The following PPME1 variants were observed in gnomAD, a reference collection of about 807,000 sequenced individuals.
PPME1 encodes protein phosphatase methylesterase 1.
Under a neutral mutation model 56.9 loss-of-function variants are expected in PPME1, and 17 were observed. The observed-to-expected ratio is 0.30, with a 90% confidence interval of 0.20 to 0.45. The LOEUF (loss-of-function observed/expected upper bound fraction) is 0.45. Ranked by LOEUF, PPME1 falls within the 20% of genes least tolerant of loss-of-function variation. The pLI, the probability that PPME1 is intolerant of heterozygous loss-of-function variation, is 1.00. For synonymous variants in PPME1, 122 were observed against 156.2 expected, an observed-to-expected ratio of 0.78 and a Z score of 1.63; for missense variants, 357 against 483.2, an observed-to-expected ratio of 0.74 and a Z score of 2.45.
intron 1 of PPME1, among the ~76,000 whole-genome samples, chr11:74,185,145 A>G (rs1857644379): frequency 6.6e-6 from 1 of 151,760 alleles, no homozygotes. Context: ...GATTACAGGC[A>G]CATGTCACCA....
At chr11:74,179,646 C>A (rs903447452) in intron 1 of PPME1, among the ~76,000 whole-genome samples, 1 of 152,132 alleles carries the variant, frequency 6.6e-6, no homozygotes, top group African/African-American at 2.4e-5. Context: ...GTAATAAACA[C>A]CTAGTTGTTT....
chr11:74,198,790 C>G (rs1858063560), intron 1 of PPME1: 1 of 152,174 alleles, frequency 6.6e-6, no homozygotes, highest in Non-Finnish European at 1.5e-5. Context: ...CTAACCAGGC[C>G]TGACCCTGCT....
chr11:74,242,519 A>G (rs1478055392), intron 9 of PPME1, among the ~76,000 whole-genome samples: 1 of 152,198 alleles, frequency 6.6e-6, no homozygotes, highest in African/African-American at 2.4e-5. Flanking sequence ...GTTGTTTTAC[A>G]TACATGAGTA....
intron 9 of PPME1, among the ~76,000 whole-genome samples, chr11:74,240,998 C>T (rs1473966891): frequency 6.6e-6 from 1 of 152,244 alleles, no homozygotes; most frequent in African/African-American, 2.4e-5. Flanking sequence ...AGCTAAAACA[C>T]ACCCAGATCC....
At chr11:74,251,135 A>G (rs1859648234) in intron 12 of PPME1, 117 bp downstream of exon 12, 4 of 1,505,688 alleles carry the variant, frequency 2.7e-6, no homozygotes, top group African/African-American at 1.4e-5. Context: ...TGTGGAGCCT[A>G]TGCAGATGCA....
At chr11:74,172,303 GAGA>G (rs1189065575) in intron 1 of PPME1, among the ~76,000 whole-genome samples, 2 of 151,786 alleles carry the variant, frequency 1.3e-5, no homozygotes, top group East Asian at 1.9e-4. Flanking sequence ...ATAAGGGAGA[GAGA>G]AGAAGGAGAG....
Position 74,171,369 on chromosome 11 carries a change from C to T in PPME1, c.-53C>T. The T allele has an allele frequency of 6.4e-7, 1 of 1,560,272 alleles. No individual in the cohort carries two copies. Among genetic ancestry groups the T allele is most frequent in the South Asian group, 1.2e-5 (1 of 84,626 alleles). On this transcript the variant is annotated 5_prime_UTR_variant, in exon 1 of 14. In the 5' UTR this introduces an upstream ATG that the reference lacks. Transcript: ENST00000328257. Reference sequence around the variant, plus strand: ...TCGTGACCGGTTGGGCCACACTCAACGTGGGACGAAGCTTCGCCTACTGTT... The same window carrying T: ...TCGTGACCGGTTGGGCCACACTCAATGTGGGACGAAGCTTCGCCTACTGTT...
intron 1 of PPME1, among the ~76,000 whole-genome samples, chr11:74,200,144 A>G (rs1262242551): frequency 6.6e-6 from 1 of 152,262 alleles, no homozygotes; most frequent in African/African-American, 2.4e-5. Flanking sequence ...AAAAAGGCCT[A>G]CACAAACTAT....
intron 1 of PPME1, among the ~76,000 whole-genome samples, chr11:74,183,956 A>G (rs1441550765): frequency 6.6e-6 from 1 of 152,214 alleles, no homozygotes; most frequent in African/African-American, 2.4e-5. Context: ...TGAATTTAAT[A>G]GAGAAGTAAA....
In PPME1 at chr11:74,208,541, T is replaced by G. The variant is rs190872229; in HGVS notation, c.288+4096T>G. On this transcript the variant is annotated intron_variant, in intron 3 of 13. Transcript: ENST00000328257. ...AATACAGCAAACATTTTAAGAAATT[T>G]TTATCTCAGACTAGGTTTTGAATGT... 3.2e-3 allele frequency among the ~76,000 whole-genome samples: 480 copies of G among 152,290 alleles called. 3 individuals carry two copies. The Middle Eastern group carries it at 0.034, about 11-fold the overall frequency.
intron 3 of PPME1, among the ~76,000 whole-genome samples, chr11:74,207,104 T>G (rs2135628495): frequency 6.7e-6 from 1 of 149,750 alleles, no homozygotes. Context: ...AGAGGAAAGA[T>G]TCAGGGCAGA....
intron 1 of PPME1, among the ~76,000 whole-genome samples, chr11:74,192,647 C>T (rs544110343): frequency 3.9e-5 from 6 of 152,200 alleles, no homozygotes; most frequent in East Asian, 1.9e-4. Flanking sequence ...GGATGCAGAT[C>T]CCTCATGAAT....
intron 10 of PPME1, among the ~76,000 whole-genome samples, 162 bp downstream of exon 10, chr11:74,246,367 C>T (rs935306883): frequency 6.6e-6 from 1 of 152,200 alleles, no homozygotes; most frequent in African/African-American, 2.4e-5. Flanking sequence ...GGCTGTCTTC[C>T]TGGCTTGCCT....
chr11:74,246,072 C>G lies in PPME1; in HGVS notation c.835-4C>G. The G allele has an allele frequency of 6.3e-7, 1 of 1,579,342 alleles. No homozygotes were observed. The highest frequency in any genetic ancestry group is 8.6e-7 in the Non-Finnish European group (1 of 1,161,638). On this transcript the variant is annotated splice_polypyrimidine_tract_variant and splice_region_variant and intron_variant, in intron 9 of 13. Coordinates refer to ENST00000328257, the MANE Select transcript of PPME1 (RefSeq NM_016147.3). The stretch of plus-strand genomic sequence containing the variant: ...AGACTCAGAACTTGCTCTTATTCCT[C>G]CAGACCAAGAAAGACCATCCATACA...
intron 11 of PPME1, 57 bp downstream of exon 11, chr11:74,247,180 C>A: frequency 6.9e-7 from 1 of 1,440,444 alleles, no homozygotes; most frequent in Non-Finnish European, 9.7e-7. Context: ...GGTGATAGGG[C>A]AGTTAACATC....
intron 9 of PPME1, among the ~76,000 whole-genome samples, chr11:74,243,116 T>C (rs1280498029): frequency 6.6e-6 from 1 of 152,064 alleles, no homozygotes; most frequent in Non-Finnish European, 1.5e-5. Flanking sequence ...CCAGGAAGAT[T>C]GTTAGCCAAC....
At chr11:74,249,033 C>T (rs149271777) in intron 11 of PPME1, 1,993 of 152,220 alleles carry the variant, frequency 0.013, 25 homozygotes, top group Non-Finnish European at 0.022. Flanking sequence ...GAAAAAAATG[C>T]GGGTAGTCTA....
intron 1 of PPME1, among the ~76,000 whole-genome samples, chr11:74,185,998 C>G (rs2135598094): frequency 6.6e-6 from 1 of 152,278 alleles, no homozygotes; most frequent in East Asian, 1.9e-4. Flanking sequence ...GTGTCCTGTT[C>G]TGCTTAATGC....
At position 74,225,994 on chromosome 11, in the gene PPME1, C is replaced by G. The variant is rs148706441; in HGVS notation, c.398+738C>G. Among the ~76,000 whole-genome samples, 30 of 152,178 alleles carry G rather than the reference C, an allele frequency of 2.0e-4. No individual in the cohort carries two copies. The East Asian group carries it at 5.6e-3, about 28-fold the overall frequency. On this transcript the variant is annotated intron_variant, in intron 5 of 13. Transcript: ENST00000328257. Reference sequence around the variant, plus strand: ...CTCTCAGGTATTTGGTCACTTTGGCCAAAAATATCTTGCCCTCTTTTACTT... The same window carrying G: ...CTCTCAGGTATTTGGTCACTTTGGCGAAAAATATCTTGCCCTCTTTTACTT...
Sources: gnomAD v4.1 joint callset for allele counts (sites outside exome capture counted in the v4.1 genomes callset) on GRCh38, gnomAD v4.1.1 for gene constraint, MANE v1.5 for transcripts, NCBI Gene and HGNC (gene_info 2026-07-23, HGNC 2026-07-21) for gene names.